The following ITPR1 variants were observed in gnomAD, a reference collection of about 807,000 sequenced individuals.
ITPR1 encodes inositol 1,4,5-trisphosphate-gated calcium channel ITPR1.
Under a neutral mutation model 318.4 loss-of-function variants are expected in ITPR1, and 96 were observed. The observed-to-expected ratio is 0.30, with a 90% CI of 0.26 to 0.36. ITPR1 has a LOEUF of 0.36. Ranked by LOEUF, ITPR1 falls within the 10% of genes least tolerant of loss-of-function variation. The probability of loss-of-function intolerance (pLI) is 1.00; values close to 1 mark genes in which losing one functional copy is unlikely to be tolerated. For missense variants in ITPR1, 2,440 were observed against 3,460.2 expected (o/e 0.71, Z 7.40); for synonymous variants, 1,312 against 1,289.9 (o/e 1.02, Z -0.37).
chr3:4,660,929 G>A lies in ITPR1; in HGVS notation c.1152-59G>A, dbSNP rs2093818504. The A allele has an allele frequency of 4.9e-6, 4 of 809,194 alleles. No homozygotes were observed. The East Asian group carries it at 1.0e-4, about 21-fold the overall frequency. 50.1% of individuals were successfully genotyped at this position (809,194 alleles called of 1,614,324 possible). ...TTTGATAGATTATATTCTAGACTAG[G>A]GGCTATAGAGTAAACCTCAATATTT... On this transcript the variant is annotated intron_variant, in intron 13 of 61. Transcript: ENST00000649015.
intron 4 of ITPR1, among the ~76,000 whole-genome samples, chr3:4,547,152 C>A (rs984357585): frequency 6.6e-6 from 1 of 152,208 alleles, no homozygotes; most frequent in African/African-American, 2.4e-5. Flanking sequence ...TAGTTACAGT[C>A]TCTTCACTGT....
At chr3:4,803,691 T>C (rs1308502060) in intron 54 of ITPR1, among the ~76,000 whole-genome samples, 1 of 152,194 alleles carries the variant, frequency 6.6e-6, no homozygotes, top group African/African-American at 2.4e-5. Flanking sequence ...AGAGGCTGTC[T>C]TCTATGGGCT....
chr3:4,792,182 T>G (rs528913432), intron 52 of ITPR1, among the ~76,000 whole-genome samples: 7 of 152,316 alleles, frequency 4.6e-5, no homozygotes, highest in African/African-American at 1.7e-4. Context: ...CGGATACTTG[T>G]GACCACATTG....
At position 4,768,566 on chromosome 3, in the gene ITPR1, C is replaced by T. The variant is rs2045968431; in HGVS notation, c.5781C>T (p.Ala1927=). The T allele has an allele frequency of 6.2e-7, 1 of 1,613,794 alleles. No individual in the cohort carries two copies. Among genetic ancestry groups the T allele is most frequent in the East Asian group, 2.2e-5 (1 of 44,898 alleles). Residue 1927 remains alanine, a synonymous_variant, in exon 46 of 62, where the codon GCC becomes GCT. Coordinates refer to ENST00000649015, the MANE Select transcript of ITPR1 (RefSeq NM_001378452.1). ...AGGTCCGGGATCAGCTCCTGGAGGC[C>T]TCCGCTGCCACCAGGAAAGCCTTCA... is the stretch of plus-strand genomic sequence containing the variant. ...TEEVRDQLLE[A]SAATRKAFTT... is the part of the protein sequence containing the mutation.
intron 5 of ITPR1, 65 bp from the exon 6 acceptor site, chr3:4,639,319 G>C: frequency 2.5e-6 from 3 of 1,200,816 alleles, no homozygotes; most frequent in South Asian, 2.6e-5. Context: ...TTTGTTCTGC[G>C]TCACTGCAGT....
At chr3:4,797,786 A>G (rs6442909) in intron 53 of ITPR1, among the ~76,000 whole-genome samples, 61,585 of 151,878 alleles carry the variant, frequency 0.41, 12,542 homozygotes, top group East Asian at 0.56. Context: ...ATCTATCCCC[A>G]TACTATATTT....
At chr3:4,733,299 T>C (rs979595238) in intron 43 of ITPR1, 79 bp downstream of exon 43, 10 of 1,516,222 alleles carry the variant, frequency 6.6e-6, no homozygotes, top group Non-Finnish European at 9.1e-6. Context: ...CCTAACAGGT[T>C]GAAATGCTCA....
At chr3:4,759,930 G>T (rs2045316543) in intron 44 of ITPR1, among the ~76,000 whole-genome samples, 1 of 152,162 alleles carries the variant, frequency 6.6e-6, no homozygotes, top group Admixed American at 6.5e-5. Context: ...GCCTCACCCT[G>T]CCCCTGCCCC....
intron 52 of ITPR1, among the ~76,000 whole-genome samples, chr3:4,790,439 C>T (rs1018086875): frequency 8.5e-5 from 13 of 152,210 alleles, no homozygotes; most frequent in African/African-American, 3.1e-4. Context: ...TTCAGTGAAA[C>T]TTAAGCACAA....
At chr3:4,821,510 T>C (rs1237333847) in intron 60 of ITPR1, among the ~76,000 whole-genome samples, 1 of 152,210 alleles carries the variant, frequency 6.6e-6, no homozygotes, top group Non-Finnish European at 1.5e-5. Flanking sequence ...AGAATTTATC[T>C]GGGGCACTGT....
intron 2 of ITPR1, among the ~76,000 whole-genome samples, chr3:4,516,099 T>C (rs2082152155): frequency 6.6e-6 from 1 of 152,234 alleles, no homozygotes; most frequent in Non-Finnish European, 1.5e-5. Flanking sequence ...TATGTTAATG[T>C]TTCATAAGTC....
intron 55 of ITPR1, among the ~76,000 whole-genome samples, chr3:4,810,217 A>G (rs1273955503): frequency 6.6e-6 from 1 of 152,292 alleles, no homozygotes; most frequent in East Asian, 1.9e-4. Flanking sequence ...TCACACCCCA[A>G]AGCCACAGTG....
chr3:4,686,937 AG>A (rs1305728220), intron 30 of ITPR1, among the ~76,000 whole-genome samples: 1 of 152,242 alleles, frequency 6.6e-6, no homozygotes, highest in Non-Finnish European at 1.5e-5. Context: ...CCTGTTAATA[AG>A]GGACAAATGT....
chr3:4,591,320 T>A (rs2090380842), intron 4 of ITPR1, among the ~76,000 whole-genome samples: 1 of 152,222 alleles, frequency 6.6e-6, no homozygotes, highest in South Asian at 2.1e-4. Context: ...TCCACAATGG[T>A]TGAACTAATT....
At chr3:4,588,294 T>A (rs1321485045) in intron 4 of ITPR1, among the ~76,000 whole-genome samples, 1 of 152,206 alleles carries the variant, frequency 6.6e-6, no homozygotes, top group Admixed American at 6.5e-5. Context: ...TCTGTAACTT[T>A]GCAGACTTTT....
intron 53 of ITPR1, chr3:4,799,779 A>G (rs2048107010): frequency 1.3e-5 from 2 of 152,230 alleles, no homozygotes; most frequent in Non-Finnish European, 2.9e-5. Flanking sequence ...AAGCTCTTTG[A>G]CTGCAGGGAT....
At chr3:4,502,731 G>T (rs2081114444) in intron 2 of ITPR1, among the ~76,000 whole-genome samples, 1 of 151,894 alleles carries the variant, frequency 6.6e-6, no homozygotes, top group Non-Finnish European at 1.5e-5. Flanking sequence ...GATCCACTGC[G>T]CCTGGCCCCT....
chr3:4,684,330 A>G lies in ITPR1; in HGVS notation c.3548A>G (p.Tyr1183Cys). 1 of 1,612,636 alleles carries G rather than the reference A, an allele frequency of 6.2e-7. No homozygotes were observed. The highest frequency in any genetic ancestry group is 8.5e-7 in the Non-Finnish European group (1 of 1,179,036). Residue 1183 changes from tyrosine to cysteine, a missense_variant, in exon 29 of 62, where the codon TAC (tyrosine) becomes TGC (cysteine). Tyr to Cys is a radical substitution (Grantham distance 194). Around this residue, in one of 23 missense-constraint regions of ITPR1, gnomAD observed 86 missense variants for 75.6 expected, o/e 1.14. Transcript: ENST00000649015. ...QKHESTSSYN[Y>C]RVVKEILIRL... ...CATGAAAGCACCAGCAGCTACAACT[A>G]CAGAGTGGTCAAAGAGGTAAGCTCC...
chr3:4,758,770 T>C (rs776589456), intron 44 of ITPR1, among the ~76,000 whole-genome samples: 1 of 152,218 alleles, frequency 6.6e-6, no homozygotes, highest in Non-Finnish European at 1.5e-5. Context: ...ACCTAAATTA[T>C]GGCCTTGGCT....
Sources: allele counts gnomAD v4.1 joint callset (sites outside exome capture counted in the v4.1 genomes callset), GRCh38; gene constraint gnomAD v4.1.1; regional missense constraint gnomAD v4.1.1; transcripts MANE v1.5; gene names NCBI Gene and HGNC (gene_info 2026-07-23, HGNC 2026-07-21).